The following SHANK1 variants were observed in gnomAD, a reference collection of about 807,000 sequenced individuals.
The protein encoded by SHANK1 is SH3 and multiple ankyrin repeat domains 1.
In SHANK1, 35 loss-of-function variants were observed where a neutral mutation model predicts 165.6. The ratio of observed to expected loss-of-function variants is 0.21; its 90% confidence interval spans 0.16 to 0.28. The LOEUF is 0.28. Among genes scored for constraint, SHANK1 ranks in the 10% least tolerant of loss-of-function variants. The pLI, the probability that SHANK1 is intolerant of heterozygous loss-of-function variation, is 1.00. For missense variants in SHANK1, 2,681 were observed against 3,036.4 expected (o/e 0.88, Z 2.75); for synonymous variants, 1,428 against 1,384.8 (o/e 1.03, Z -0.69).
Position 50,668,247 on chromosome 19 carries a change from C to A in SHANK1, c.3713G>T (p.Gly1238Val). The change falls in exon 23 of 24, where the codon GGG becomes GTG. Residue 1238 changes from glycine (G) to valine (V), a missense_variant. Gly to Val is a moderately radical substitution (Grantham distance 109, BLOSUM62 -3). Around this residue, in one of 10 missense-constraint regions of SHANK1, gnomAD observed 1,713 missense variants for 1,630.2 expected, o/e 1.05. Coordinates refer to ENST00000293441, the MANE Select transcript of SHANK1 (RefSeq NM_016148.5). ...CCAGCCCCCCTCCCTCCGGGCCGCC[C>A]CCACCAGGGCGGCCCCGAACTGGCT... ...FTSQFGAALV[G>V]AARREGGWQN... 1.4e-6 allele frequency: 2 copies of A among 1,448,554 alleles called. No individual in the cohort carries two copies. The highest frequency in any genetic ancestry group is 1.8e-6 in the Non-Finnish European group (2 of 1,115,684). 89.7% of individuals were successfully genotyped at this position (1,448,554 alleles called of 1,614,324 possible).
Position 50,702,148 on chromosome 19 carries a change from A to G in SHANK1, c.1747+319T>C, listed in dbSNP as rs1230703233. Among the ~76,000 whole-genome samples the G allele has an allele frequency of 9.4e-6, 1 of 105,836 alleles. No individual in the cohort carries two copies. Among genetic ancestry groups the G allele is most frequent in the Non-Finnish European group, 1.9e-5 (1 of 51,366 alleles). The allele number at this position is 105,836 out of a possible 152,430, so 69.4% of individuals were successfully genotyped here. A position where few individuals can be genotyped will look rare whatever the true frequency, so the allele number is the denominator to read the frequency against. ...GAGGTTCTGTTCCTTCAACCATGCA[A>G]TGGGGCCCATGACCTCCCTCCCCAG... On this transcript the variant is annotated intron_variant, in intron 12 of 23. Transcript: ENST00000293441. This position sits in a 1 kb window ranked among gnomAD's most constrained non-coding sequence, Gnocchi z 5.3.
rs762400799 is a variant in SHANK1, at chr19:50,672,033, G to A, written c.2659C>T (p.Arg887Trp). The A allele has an allele frequency of 8.7e-6, 14 of 1,613,096 alleles. No homozygotes were observed. The highest frequency in any genetic ancestry group is 4.5e-5 in the East Asian group (2 of 44,870). Residue 887 changes from arginine (R) to tryptophan (W), a missense_variant, in exon 22 of 24, where the codon CGG becomes TGG. Arg to Trp is a moderately radical substitution (Grantham distance 101, BLOSUM62 -3). Around this residue, in one of 10 missense-constraint regions of SHANK1, gnomAD observed 206 missense variants for 216.0 expected, o/e 0.95. Coordinates refer to ENST00000293441, the MANE Select transcript of SHANK1 (RefSeq NM_016148.5). ...GGTGGCATACCGATAGATTTTTGCC[G>A]GAGCATCAACCCAGGTCCTGGAGGC... is the stretch of plus-strand genomic sequence containing the variant. ...FLPPGPGLML[R>W]QKSIGAAEDD...
In SHANK1 at chr19:50,666,763, C is replaced by T; in HGVS notation, c.5197G>A (p.Asp1733Asn). 5 of 1,555,936 alleles carry T rather than the reference C, an allele frequency of 3.2e-6. No homozygotes were observed. The highest frequency in any genetic ancestry group is 4.3e-6 in the Non-Finnish European group (5 of 1,150,998). The change falls in exon 23 of 24, where the codon GAC becomes AAC. Residue 1733 changes from aspartate to asparagine, a missense_variant. Coordinates refer to ENST00000293441, the MANE Select transcript of SHANK1 (RefSeq NM_016148.5). ...ELLDTYVAYL[D>N]GQAFGGSSTP... ...CTGCTGCCCCCAAAGGCCTGGCCGT[C>T]CAGGTAGGCCACATAGGTGTCCAGA...
Position 50,713,576 on chromosome 19 carries a change from C to G in SHANK1, c.792+222G>C, listed in dbSNP as rs1413677919. On this transcript the variant is annotated intron_variant, in intron 6 of 23. Coordinates refer to ENST00000293441, the MANE Select transcript of SHANK1 (RefSeq NM_016148.5). This position sits in a 1 kb window ranked among gnomAD's most constrained non-coding sequence, Gnocchi z 6.2. ...TGGGTGTTTAGGGGAGGAGGCCGTG[C>G]CCGGGTCTGTGTGATGTCAGCTATA... Among the ~76,000 whole-genome samples, 1 of 151,960 alleles carries G rather than the reference C, an allele frequency of 6.6e-6. No individual in the cohort carries two copies. The highest frequency in any genetic ancestry group is 1.9e-4 in the East Asian group (1 of 5,178).
At chr19:50,711,597 G>A in intron 7 of SHANK1, 110 bp from the exon 8 acceptor site, 4 of 774,154 alleles carry the variant, frequency 5.2e-6, no homozygotes, top group Non-Finnish European at 8.4e-6. Flanking sequence ...ATCGTTCACC[G>A]CATCCACCTC....
rs190956855 is a variant in SHANK1, at chr19:50,660,777, C to A, written c.*1188G>T. Reference sequence around the variant, plus strand: ...TGTGCAAGAGGGTTCACAAAAGAATCAAAAATGCAGAAGGGCAAAGATTTC... The same window carrying A: ...TGTGCAAGAGGGTTCACAAAAGAATAAAAAATGCAGAAGGGCAAAGATTTC... On this transcript the variant is annotated 3_prime_UTR_variant, in exon 24 of 24. Coordinates refer to ENST00000293441, the MANE Select transcript of SHANK1 (RefSeq NM_016148.5). Among the ~76,000 whole-genome samples, 28 of 140,046 alleles carry A rather than the reference C, an allele frequency of 2.0e-4. No individual in the cohort carries two copies. In the East Asian group the frequency reaches 2.3e-3, roughly 11 times the overall value. 91.9% of individuals were successfully genotyped at this position (140,046 alleles called of 152,430 possible). A position where few individuals can be genotyped will look rare whatever the true frequency, so the allele number is the denominator to read the frequency against.
At chr19:50,687,778 C>T in intron 18 of SHANK1, 116 bp from the exon 19 acceptor site, 1 of 1,370,792 alleles carries the variant, frequency 7.3e-7, no homozygotes, top group Non-Finnish European at 9.9e-7. Context: ...GCGGAGCCCT[C>T]CCTGCCTCAG....
chr19:50,697,333 C>G lies in SHANK1; in HGVS notation c.1938-211G>C, dbSNP rs888945281. On this transcript the variant is annotated intron_variant, in intron 14 of 23. Transcript: ENST00000293441. The surrounding 1 kb of genome is among the most constrained non-coding windows in gnomAD (Gnocchi z 4.7). ...AGACATAAGAGCGCCCCGGCCCCCCCAGGCATCCCCACCCTGCCCTGACCA... is the reference window on the plus strand; with the variant it reads ...AGACATAAGAGCGCCCCGGCCCCCCGAGGCATCCCCACCCTGCCCTGACCA... Among the ~76,000 whole-genome samples, 1 of 152,176 alleles carries G rather than the reference C, an allele frequency of 6.6e-6. No homozygotes were observed. The highest frequency in any genetic ancestry group is 2.1e-4 in the South Asian group (1 of 4,830).
chr19:50,697,498 G>C lies in SHANK1; in HGVS notation c.1937+91C>G. On this transcript the variant is annotated intron_variant, in intron 14 of 23. Coordinates refer to ENST00000293441, the MANE Select transcript of SHANK1 (RefSeq NM_016148.5). This position sits in a 1 kb window ranked among gnomAD's most constrained non-coding sequence, Gnocchi z 4.7. The stretch of plus-strand genomic sequence containing the variant: ...ACTTGAGAAGGAACAGATTAGAAAG[G>C]GGGCTTAGAGGTGATGGAAATATTT... The C allele has an allele frequency of 9.8e-7, 1 of 1,022,548 alleles. No homozygotes were observed. Among genetic ancestry groups the C allele is most frequent in the African/African-American group, 1.6e-5 (1 of 63,552 alleles). 63.3% of individuals were successfully genotyped at this position (1,022,548 alleles called of 1,614,324 possible).
In SHANK1 at chr19:50,688,312, T is replaced by C. The variant is rs886289706; in HGVS notation, c.2173-254A>G. 2.0e-5 allele frequency among the ~76,000 whole-genome samples: 3 copies of C among 151,990 alleles called. No homozygotes were observed. Among genetic ancestry groups the C allele is most frequent in the Admixed American group, 6.6e-5 (1 of 15,266 alleles). On this transcript the variant is annotated intron_variant, in intron 17 of 23. Transcript: ENST00000293441. This position sits in a 1 kb window ranked among gnomAD's most constrained non-coding sequence, Gnocchi z 6.7. ...CCTCCCTCCTTGTCCCCAGTATTTATTTATTTATTTACTTTTATTTTTAAA... is the reference window on the plus strand; with the variant it reads ...CCTCCCTCCTTGTCCCCAGTATTTACTTATTTATTTACTTTTATTTTTAAA...
Position 50,660,010 on chromosome 19 carries a change from CCCCCT to C in SHANK1, c.*1950_*1954del, listed in dbSNP as rs1446281226. On this transcript the variant is annotated 3_prime_UTR_variant, in exon 24 of 24. Coordinates refer to ENST00000293441, the MANE Select transcript of SHANK1 (RefSeq NM_016148.5). ...CATGGTGAGGGGAGGGGGCTTGCAGCCCCCTCCCCTCATGGACGGAGCGCCCCCCC... is the reference window on the plus strand; with the variant it reads ...CATGGTGAGGGGAGGGGGCTTGCAGCCCCCTCATGGACGGAGCGCCCCCCC... 1.3e-5 allele frequency among the ~76,000 whole-genome samples: 2 copies of C among 150,282 alleles called. No homozygotes were observed. Among genetic ancestry groups the C allele is most frequent in the Non-Finnish European group, 3.0e-5 (2 of 67,378 alleles).
Position 50,660,588 on chromosome 19 carries a change from A to G in SHANK1, c.*1377T>C, listed in dbSNP as rs183141285. On this transcript the variant is annotated 3_prime_UTR_variant, in exon 24 of 24. Coordinates refer to ENST00000293441, the MANE Select transcript of SHANK1 (RefSeq NM_016148.5). ...GCCCAAGAGTGCATGGAATGAGATG[A>G]GTGTGCAAAAGGAAAGAAGTGGTAG... 4.1e-4 allele frequency among the ~76,000 whole-genome samples: 62 copies of G among 152,092 alleles called. No homozygotes were observed. The highest frequency in any genetic ancestry group is 1.4e-3 in the African/African-American group (59 of 41,470).
intron 19 of SHANK1, 78 bp downstream of exon 19, chr19:50,687,504 T>G (rs963670385): frequency 2.7e-5 from 32 of 1,167,482 alleles, no homozygotes; most frequent in Non-Finnish European, 3.7e-5. Flanking sequence ...CTAACAACAC[T>G]AACGAACTCA....
Position 50,702,555 on chromosome 19 carries a change from C to A in SHANK1, c.1659G>T (p.Ala553=), listed in dbSNP as rs756939026. The change falls in exon 12 of 24, where the codon GCG becomes GCT. Residue 553 remains alanine (A), a synonymous_variant. Coordinates refer to ENST00000293441, the MANE Select transcript of SHANK1 (RefSeq NM_016148.5). The surrounding 1 kb of genome is among the most constrained non-coding windows in gnomAD (Gnocchi z 5.3). ...SRGRRRKLYS[A]VPGRSFMAVK... ...CAGCCATGAAGGAGCGTCCGGGTAC[C>A]GCTGAGTAGAGCTTCCTCCGCCTCC... is the stretch of plus-strand genomic sequence containing the variant. 2 of 1,613,066 alleles carry A rather than the reference C, an allele frequency of 1.2e-6. No homozygotes were observed. Among genetic ancestry groups the A allele is most frequent in the South Asian group, 2.2e-5 (2 of 91,004 alleles).
chr19:50,715,463 G>A (rs1196309721), intron 4 of SHANK1, among the ~76,000 whole-genome samples, 196 bp downstream of exon 4: 2 of 152,090 alleles, frequency 1.3e-5, no homozygotes, highest in African/African-American at 4.8e-5. Context: ...GGGTTGTGAT[G>A]GGGATAATGG....
chr19:50,689,015 AG>A lies in SHANK1; in HGVS notation c.2048-48del, dbSNP rs761791582. 3 of 1,383,288 alleles carry A rather than the reference AG, an allele frequency of 2.2e-6. No individual in the cohort carries two copies. The South Asian group carries it at 3.8e-5, about 17-fold the overall frequency. 85.7% of individuals were successfully genotyped at this position (1,383,288 alleles called of 1,614,324 possible). On this transcript the variant is annotated intron_variant, in intron 16 of 23. Coordinates refer to ENST00000293441, the MANE Select transcript of SHANK1 (RefSeq NM_016148.5). Reference sequence around the variant, plus strand: ...CGGGGTCGGAGGGGAGGGGGTGGAGAGGCCGAGCAGGGGATGGGGCTCAGAC... The same window carrying A: ...CGGGGTCGGAGGGGAGGGGGTGGAGAGCCGAGCAGGGGATGGGGCTCAGAC...
Position 50,702,368 on chromosome 19 carries a change from T to C in SHANK1, c.1747+99A>G. The C allele has an allele frequency of 9.3e-7, 1 of 1,069,958 alleles. No homozygotes were observed. Among genetic ancestry groups the C allele is most frequent in the Non-Finnish European group, 1.3e-6 (1 of 753,020 alleles). The allele number at this position is 1,069,958 out of a possible 1,614,324, so 66.3% of individuals were successfully genotyped here. A position where few individuals can be genotyped will look rare whatever the true frequency, so the allele number is the denominator to read the frequency against. On this transcript the variant is annotated intron_variant, in intron 12 of 23. Coordinates refer to ENST00000293441, the MANE Select transcript of SHANK1 (RefSeq NM_016148.5). This position sits in a 1 kb window ranked among gnomAD's most constrained non-coding sequence, Gnocchi z 5.3. ...TCTGAGGTCTCCAGAGTGCATGAGATACTCCAGGTGCCCGAGAATGGTCTG... is the reference window on the plus strand; with the variant it reads ...TCTGAGGTCTCCAGAGTGCATGAGACACTCCAGGTGCCCGAGAATGGTCTG...
At position 50,670,536 on chromosome 19, in the gene SHANK1, C is replaced by A. The variant is rs1269733297; in HGVS notation, c.2675-1251G>T. 6.6e-6 allele frequency among the ~76,000 whole-genome samples: 1 copy of A among 152,156 alleles called. No individual in the cohort carries two copies. On this transcript the variant is annotated intron_variant, in intron 22 of 23. Transcript: ENST00000293441. The surrounding 1 kb of genome is among the most constrained non-coding windows in gnomAD (Gnocchi z 4.1). ...GTCCCTCCTCTGCTTAGAGCCCTGC[C>A]ATTCACTCACCTCACTCAGGGCAAA...
At chr19:50,689,970 A>G (rs1986491637) in intron 15 of SHANK1, among the ~76,000 whole-genome samples, 1 of 152,116 alleles carries the variant, frequency 6.6e-6, no homozygotes, top group African/African-American at 2.4e-5. Flanking sequence ...TTTTTATGAA[A>G]GCTAATCAAA....
Sources: gnomAD v4.1 joint callset for allele counts (sites outside exome capture counted in the v4.1 genomes callset) on GRCh38, gnomAD v4.1.1 for gene constraint, gnomAD v4.1.1 regional missense constraint, Gnocchi (gnomAD v3.1) non-coding constraint, MANE v1.5 for transcripts, NCBI Gene and HGNC (gene_info 2026-07-23, HGNC 2026-07-21) for gene names.